Variants in CROCC observed in about 807,000 individuals in gnomAD.
CROCC encodes ciliary rootlet coiled-coil, rootletin.
In CROCC, 180 loss-of-function variants were observed where a neutral mutation model predicts 245.2. That is an observed-to-expected ratio of 0.73 (90% CI 0.65 to 0.83). CROCC has a LOEUF of 0.83. Ranked by LOEUF, CROCC falls within the 40% of genes least tolerant of loss-of-function variation. The probability of loss-of-function intolerance (pLI) is 0.00; values close to 1 mark genes in which losing one functional copy is unlikely to be tolerated. For synonymous variants in CROCC, 1,205 were observed against 1,241.6 expected (o/e 0.97, Z 0.62); for missense variants, 2,688 against 2,779.4 (o/e 0.97, Z 0.74).
At chr1:16,935,768 G>A (rs189085004) in intron 8 of CROCC, among the ~76,000 whole-genome samples, 36 of 152,400 alleles carry the variant, frequency 2.4e-4, no homozygotes, top group Admixed American at 8.5e-4. Flanking sequence ...CAGAATGGAT[G>A]TACCATCATG....
At chr1:16,914,103 C>T (rs1157278826) in intron 1 of CROCC, among the ~76,000 whole-genome samples, 2 of 151,562 alleles carry the variant, frequency 1.3e-5, no homozygotes, top group African/African-American at 4.8e-5. Flanking sequence ...CCCGCTCGGC[C>T]TCGGCAGCAG....
chr1:16,969,158 G>A lies in CROCC; in HGVS notation c.5119G>A (p.Val1707Met), dbSNP rs765363766. 2.7e-5 allele frequency: 44 copies of A among 1,609,894 alleles called. No individual in the cohort carries two copies. The highest frequency in any genetic ancestry group is 1.9e-4 in the South Asian group (17 of 90,174). The change falls in exon 32 of 37, where the codon GTG (valine) becomes ATG (methionine). Residue 1707 changes from valine (V) to methionine (M), a missense_variant. Val to Met is a conservative substitution (Grantham distance 21). Coordinates refer to ENST00000375541, the MANE Select transcript of CROCC (RefSeq NM_014675.5). Reference protein sequence around the residue: ...EVKAGTLQLTVERLNGALAKV... With the variant: ...EVKAGTLQLTMERLNGALAKV... ...GAAGGCAGGGACCCTGCAGCTGACCGTGGAGCGGCTGAATGGGGCCCTGGC... is the reference window on the plus strand; with the variant it reads ...GAAGGCAGGGACCCTGCAGCTGACCATGGAGCGGCTGAATGGGGCCCTGGC...
intron 17 of CROCC, 104 bp from the exon 18 acceptor site, chr1:16,948,227 C>G: frequency 6.9e-7 from 1 of 1,440,014 alleles, no homozygotes; most frequent in East Asian, 2.5e-5. Flanking sequence ...GGGCTCAAAC[C>G]CAGGCCTTCT....
chr1:16,915,810 A>C (rs1189979688), intron 1 of CROCC, among the ~76,000 whole-genome samples: 1 of 152,264 alleles, frequency 6.6e-6, no homozygotes, highest in Non-Finnish European at 1.5e-5. Flanking sequence ...AGAAGGGGGA[A>C]GTGCGTCCCA....
intron 10 of CROCC, 68 bp from the exon 11 acceptor site, chr1:16,938,332 G>C: frequency 2.8e-6 from 4 of 1,422,908 alleles, no homozygotes; most frequent in Middle Eastern, 2.4e-4. Flanking sequence ...GCCAGGTAGG[G>C]AGGGAAAGGG....
Position 16,966,350 on chromosome 1 carries a change from TG to T in CROCC, c.4697-56del. 1 of 1,469,110 alleles carries T rather than the reference TG, an allele frequency of 6.8e-7. No individual in the cohort carries two copies. Among genetic ancestry groups the T allele is most frequent in the Non-Finnish European group, 9.0e-7 (1 of 1,108,772 alleles). The allele number at this position is 1,469,110 out of a possible 1,614,324, so 91.0% of individuals were successfully genotyped here. On this transcript the variant is annotated intron_variant, in intron 29 of 36. Coordinates refer to ENST00000375541, the MANE Select transcript of CROCC (RefSeq NM_014675.5). This position sits in a 1 kb window ranked among gnomAD's most constrained non-coding sequence, Gnocchi z 4.8. Reference sequence around the variant, plus strand: ...AGTGCAGGCTGGACATTTTGTGACCTGGTTTGGGTCTCGGGGCTGTGCTTGG... The same window carrying T: ...AGTGCAGGCTGGACATTTTGTGACCTGTTTGGGTCTCGGGGCTGTGCTTGG...
chr1:16,956,132 G>C lies in CROCC; in HGVS notation c.3840G>C (p.Arg1280=). Residue 1280 remains arginine, a synonymous_variant, in exon 25 of 37, where the codon CGG becomes CGC. Transcript: ENST00000375541. ...EVERSRLEAR[R]ELQELRRQMK... ...AGCGCTCACGGCTGGAGGCTCGGCGGGAGCTGCAGGAGCTCCGGCGTCAGG... is the reference window on the plus strand; with the variant it reads ...AGCGCTCACGGCTGGAGGCTCGGCGCGAGCTGCAGGAGCTCCGGCGTCAGG... 6.5e-7 allele frequency: 1 copy of C among 1,546,016 alleles called. No individual in the cohort carries two copies. Among genetic ancestry groups the C allele is most frequent in the Non-Finnish European group, 8.7e-7 (1 of 1,143,852 alleles).
intron 17 of CROCC, among the ~76,000 whole-genome samples, chr1:16,947,499 AATG>A (rs1395706054): frequency 6.0e-5 from 9 of 150,828 alleles, no homozygotes; most frequent in African/African-American, 2.2e-4. Flanking sequence ...TAATAATAAT[AATG>A]ATACAGATTA....
At chr1:16,938,631 C>G in intron 11 of CROCC, 148 bp downstream of exon 11, 2 of 889,272 alleles carry the variant, frequency 2.2e-6, no homozygotes. Flanking sequence ...GCTAGCTCAC[C>G]CAGCCTCTGC....
chr1:16,946,870 A>T lies in CROCC; in HGVS notation c.2393A>T (p.Glu798Val). 6.4e-7 allele frequency: 1 copy of T among 1,559,112 alleles called. No homozygotes were observed. The highest frequency in any genetic ancestry group is 8.7e-7 in the Non-Finnish European group (1 of 1,151,590). Reference protein sequence around the residue: ...ERLEELRLEQEVARQGLEGSL... With the variant: ...ERLEELRLEQVVARQGLEGSL... ...CTAGAGGAGCTGCGGTTGGAGCAGGAGGTGGCGCGGCAGGGCCTGGAGGGC... is the reference window on the plus strand; with the variant it reads ...CTAGAGGAGCTGCGGTTGGAGCAGGTGGTGGCGCGGCAGGGCCTGGAGGGC... The change falls in exon 17 of 37, where the codon GAG (glutamate) becomes GTG (valine). Residue 798 changes from glutamate (E) to valine (V), a missense_variant. Coordinates refer to ENST00000375541, the MANE Select transcript of CROCC (RefSeq NM_014675.5).
At position 16,947,126 on chromosome 1, in the gene CROCC, C is replaced by A. The variant is rs2076067504; in HGVS notation, c.2514+135C>A. 5 of 857,210 alleles carry A rather than the reference C, an allele frequency of 5.8e-6. No individual in the cohort carries two copies. In the South Asian group the frequency reaches 9.0e-5, roughly 15 times the overall value. 53.1% of individuals were successfully genotyped at this position (857,210 alleles called of 1,614,324 possible). ...TGGGTTAAATCCAGCCCCACTTCTG[C>A]TAGCTGGGGACCTTGGACAAGCTGC... On this transcript the variant is annotated intron_variant, in intron 17 of 36. Transcript: ENST00000375541.
At chr1:16,929,658 G>A (rs2075618512) in intron 3 of CROCC, among the ~76,000 whole-genome samples, 188 bp from the exon 4 acceptor site, 1 of 152,270 alleles carries the variant, frequency 6.6e-6, no homozygotes, top group African/African-American at 2.4e-5. Flanking sequence ...GCGTGCCCGT[G>A]CATGGCTGCA....
rs528849160 is a variant in CROCC, at chr1:16,956,011, A to T, written c.3719A>T (p.Asn1240Ile). Residue 1240 changes from asparagine to isoleucine, a missense_variant, in exon 25 of 37, where the codon AAT becomes ATT. Asn to Ile is a moderately radical substitution (Grantham distance 149). Transcript: ENST00000375541. Reference sequence around the variant, plus strand: ...GCCCTCTCCAGCCTGAAGCTTGCCAATGAGGACAAGGAGCAGAAGCTGGCA... The same window carrying T: ...GCCCTCTCCAGCCTGAAGCTTGCCATTGAGGACAAGGAGCAGAAGCTGGCA... ...ESERISLKLA[N>I]EDKEQKLALL... 6.4e-7 allele frequency: 1 copy of T among 1,550,686 alleles called. No individual in the cohort carries two copies. The highest frequency in any genetic ancestry group is 8.7e-7 in the Non-Finnish European group (1 of 1,147,010).
chr1:16,926,286 A>G (rs1388032150), intron 3 of CROCC, among the ~76,000 whole-genome samples: 4 of 152,262 alleles, frequency 2.6e-5, no homozygotes, highest in Admixed American at 6.5e-5. Context: ...TTCAGAGCCT[A>G]GAGATCACCT....
chr1:16,929,653 C>T (rs1477271844), intron 3 of CROCC, among the ~76,000 whole-genome samples, 193 bp from the exon 4 acceptor site: 1 of 152,276 alleles, frequency 6.6e-6, no homozygotes, highest in African/African-American at 2.4e-5. Flanking sequence ...CGTCTGCGTG[C>T]CCGTGCATGG....
rs1457310373 is a variant in CROCC at position 16,946,335 on chromosome 1, T to G, written c.2213T>G (p.Leu738Arg). ...RAEEASLQDSLSKLSALNESL... is the reference protein window; with the variant it reads ...RAEEASLQDSRSKLSALNESL... ...GAGGAGGCCTCCCTGCAGGACTCCC[T>G]GTCCAAGCTGAGCGCCCTCAACGAG... The change falls in exon 16 of 37, where the codon CTG becomes CGG. Residue 738 changes from leucine to arginine, a missense_variant. Leu to Arg is a moderately radical substitution (Grantham distance 102). Transcript: ENST00000375541. 5 of 1,613,404 alleles carry G rather than the reference T, an allele frequency of 3.1e-6. No homozygotes were observed. The highest frequency in any genetic ancestry group is 4.5e-5 in the East Asian group (2 of 44,898).
chr1:16,970,043 A>G, intron 33 of CROCC, 109 bp downstream of exon 33: 1 of 1,375,420 alleles, frequency 7.3e-7, no homozygotes. Flanking sequence ...TGCAGCCTCC[A>G]GTAAGGAAAC....
rs1278082375 is a variant in CROCC, at chr1:16,944,959, G to A, written c.1992-503G>A. ...TTTGTATCCTTAAAACAGGCCGGGC[G>A]CAGTGGCTCACGCCTGTAATCCCAG... On this transcript the variant is annotated intron_variant, in intron 14 of 36. Coordinates refer to ENST00000375541, the MANE Select transcript of CROCC (RefSeq NM_014675.5). Among the ~76,000 whole-genome samples the A allele has an allele frequency of 8.0e-3, 1,213 of 151,594 alleles. 1 individual carries two copies. Among genetic ancestry groups the A allele is most frequent in the African/African-American group, 0.02 (830 of 40,904 alleles).
At chr1:16,971,431 G>A in intron 35 of CROCC, 34 bp from the exon 36 acceptor site, 1 of 1,514,726 alleles carries the variant, frequency 6.6e-7, no homozygotes, top group African/African-American at 1.4e-5. Flanking sequence ...CACTCACACT[G>A]GGCCAGAACG....
Sources: allele counts gnomAD v4.1 joint callset (sites outside exome capture counted in the v4.1 genomes callset), GRCh38; gene constraint gnomAD v4.1.1; non-coding constraint Gnocchi (gnomAD v3.1); transcripts MANE v1.5; gene names NCBI Gene and HGNC (gene_info 2026-07-23, HGNC 2026-07-21).